The following AK8 variants were observed in gnomAD, a reference collection of about 807,000 sequenced individuals.
AK8 encodes the protein adenylate kinase 8, also known as ATP-AMP transphosphorylase 8.
Under a neutral mutation model 54.6 loss-of-function variants are expected in AK8, and 44 were observed. The observed-to-expected ratio is 0.81, with a 90% confidence interval of 0.63 to 1.04. AK8 has a LOEUF of 1.04. Ranked by LOEUF, AK8 falls within the 50% of genes least tolerant of loss-of-function variation. The pLI is 0.00. For synonymous variants in AK8, 239 were observed against 245.6 expected, an observed-to-expected ratio of 0.97 and a Z score of 0.25; for missense variants, 555 against 613.6, an observed-to-expected ratio of 0.90 and a Z score of 1.01.
chr9:132,827,010 G>T lies in AK8; in HGVS notation c.601C>A (p.Gln201Lys). The change falls in exon 8 of 13, where the codon CAG becomes AAG. Residue 201 changes from glutamine (Q) to lysine (K), a missense_variant. Transcript: ENST00000298545. ...TFDWPPESEI[Q>K]NRLMVPEDIS... is the part of the protein sequence containing the mutation. Reference sequence around the variant, plus strand: ...TCCTCTGGCACCATGAGACGGTTCTGGATTTCAGATTCGGGTGGCCAGTCA... The same window carrying T: ...TCCTCTGGCACCATGAGACGGTTCTTGATTTCAGATTCGGGTGGCCAGTCA... 6.2e-7 allele frequency: 1 copy of T among 1,614,282 alleles called. No homozygotes were observed. Among genetic ancestry groups the T allele is most frequent in the East Asian group, 2.2e-5 (1 of 44,892 alleles).
intron 9 of AK8, among the ~76,000 whole-genome samples, chr9:132,816,575 C>G (rs546607523): frequency 1.3e-5 from 2 of 152,026 alleles, no homozygotes; most frequent in Non-Finnish European, 2.9e-5. Flanking sequence ...CCCAGGTCTG[C>G]GTGACATCAA....
At chr9:132,728,259 C>T (rs545266096) in intron 11 of AK8, among the ~76,000 whole-genome samples, 4 of 152,318 alleles carry the variant, frequency 2.6e-5, no homozygotes, top group South Asian at 2.1e-4. Context: ...CCTGCAAGGA[C>T]GCACTAGGCT....
intron 11 of AK8, among the ~76,000 whole-genome samples, chr9:132,761,662 AT>A (rs778729987): frequency 4.9e-4 from 75 of 151,820 alleles, no homozygotes; most frequent in African/African-American, 1.8e-3. Context: ...TGTTTGTAAT[AT>A]TTTTCCTATC....
rs1481987867 is a variant in AK8 at position 132,791,505 on chromosome 9, T to C, written c.1121+1129A>G. 6.6e-6 allele frequency among the ~76,000 whole-genome samples: 1 copy of C among 152,188 alleles called. No homozygotes were observed. The highest frequency in any genetic ancestry group is 2.4e-5 in the African/African-American group (1 of 41,434). ...TTTGTACATGATAAAATCATTATAGTGCTCGTTTGGAATAATAAATATATA... is the reference window on the plus strand; with the variant it reads ...TTTGTACATGATAAAATCATTATAGCGCTCGTTTGGAATAATAAATATATA... On this transcript the variant is annotated intron_variant, in intron 11 of 12. Coordinates refer to ENST00000298545, the MANE Select transcript of AK8 (RefSeq NM_152572.3). This position sits in a 1 kb window ranked among gnomAD's most constrained non-coding sequence, Gnocchi z 4.0.
intron 11 of AK8, among the ~76,000 whole-genome samples, chr9:132,777,288 T>C (rs7037000): frequency 0.64 from 97,313 of 152,022 alleles, 31,402 homozygotes; most frequent in East Asian, 0.81. Flanking sequence ...TTGGTGCCAG[T>C]TGTGCCCAGT....
intron 10 of AK8, among the ~76,000 whole-genome samples, chr9:132,808,743 T>A (rs1840845512): frequency 1.3e-5 from 2 of 152,086 alleles, no homozygotes; most frequent in Admixed American, 1.3e-4. Flanking sequence ...AAAGCGCACA[T>A]CTCTGGGGCA....
At chr9:132,726,590 CCATT>C (rs1376542742) in intron 12 of AK8, among the ~76,000 whole-genome samples, 3 of 152,158 alleles carry the variant, frequency 2.0e-5, no homozygotes, top group African/African-American at 7.2e-5. Context: ...TTCCTCCCTT[CCATT>C]CAATGTTTAT....
At chr9:132,849,056 G>C (rs904122920) in intron 5 of AK8, among the ~76,000 whole-genome samples, 8 of 151,720 alleles carry the variant, frequency 5.3e-5, no homozygotes, top group South Asian at 2.1e-4. Flanking sequence ...CTACAGGCGC[G>C]TGCCACCACG....
chr9:132,780,146 T>G (rs2131123757), intron 11 of AK8, among the ~76,000 whole-genome samples: 1 of 152,200 alleles, frequency 6.6e-6, no homozygotes, highest in Admixed American at 6.5e-5. Flanking sequence ...GAGGGGCTGT[T>G]TCACGGCAGT....
At chr9:132,858,519 G>A (rs184115502) in intron 4 of AK8, among the ~76,000 whole-genome samples, 6 of 152,344 alleles carry the variant, frequency 3.9e-5, no homozygotes, top group African/African-American at 1.4e-4. Flanking sequence ...GAGCTACAGT[G>A]TGATCTTGGG....
intron 11 of AK8, among the ~76,000 whole-genome samples, chr9:132,741,314 G>A (rs757382823): frequency 1.7e-4 from 26 of 152,300 alleles, no homozygotes; most frequent in Admixed American, 3.3e-4. Context: ...CAAAGTTCCC[G>A]CATGCTCCTG....
intron 11 of AK8, among the ~76,000 whole-genome samples, chr9:132,744,051 C>T (rs1225927527): frequency 2.0e-5 from 3 of 152,180 alleles, no homozygotes; most frequent in Non-Finnish European, 4.4e-5. Context: ...GGGGTTGACC[C>T]TGCTTATGTG....
chr9:132,802,970 T>C (rs898484851), intron 10 of AK8, among the ~76,000 whole-genome samples: 2 of 151,588 alleles, frequency 1.3e-5, no homozygotes, highest in Non-Finnish European at 2.9e-5. Flanking sequence ...AGGAAAGAGG[T>C]TTAATGGACT....
chr9:132,750,004 T>TAGAGATAC (rs1554784804), intron 11 of AK8, among the ~76,000 whole-genome samples: 4 of 150,698 alleles, frequency 2.7e-5, no homozygotes, highest in African/African-American at 7.4e-5. Flanking sequence ...CAGCACACTC[T>TAGAGATAC]TGGAGATACT....
At chr9:132,830,102 C>G (rs1360085577) in intron 5 of AK8, among the ~76,000 whole-genome samples, 1 of 152,136 alleles carries the variant, frequency 6.6e-6, no homozygotes, top group Admixed American at 6.5e-5. Context: ...TCTTTTCTAG[C>G]AAAAACATTT....
intron 11 of AK8, among the ~76,000 whole-genome samples, chr9:132,743,260 C>A (rs73659469): frequency 0.036 from 5,444 of 152,328 alleles, 315 homozygotes; most frequent in African/African-American, 0.12. Context: ...GTCGGGCGGC[C>A]CCACAGGCAC....
chr9:132,786,797 C>T lies in AK8; in HGVS notation c.1121+5837G>A, dbSNP rs542979420. Among the ~76,000 whole-genome samples, 33 of 152,012 alleles carry T rather than the reference C, an allele frequency of 2.2e-4. No individual in the cohort carries two copies. In the South Asian group the frequency reaches 6.7e-3, roughly 31 times the overall value. On this transcript the variant is annotated intron_variant, in intron 11 of 12. Transcript: ENST00000298545. ...CTGCTGAGAAAGAATAAGACCAAGA[C>T]AAACAAAAATTCAATAGAAACTGGT...
intron 11 of AK8, among the ~76,000 whole-genome samples, chr9:132,742,164 T>A (rs1837420192): frequency 6.7e-6 from 1 of 150,360 alleles, no homozygotes; most frequent in Non-Finnish European, 1.5e-5. Flanking sequence ...GTTGATGGAC[T>A]TGGACTTTTT....
chr9:132,808,841 G>A (rs1256314953), intron 10 of AK8, among the ~76,000 whole-genome samples: 1 of 152,214 alleles, frequency 6.6e-6, no homozygotes, highest in East Asian at 1.9e-4. Flanking sequence ...GCAGCCGGGA[G>A]CACAGGCAGG....
Sources: allele counts gnomAD v4.1 joint callset (sites outside exome capture counted in the v4.1 genomes callset), GRCh38; gene constraint gnomAD v4.1.1; non-coding constraint Gnocchi (gnomAD v3.1); transcripts MANE v1.5; gene names NCBI Gene and HGNC (gene_info 2026-07-23, HGNC 2026-07-21).